The following HELLS variants were observed in gnomAD, a reference collection of about 807,000 sequenced individuals.
The protein encoded by HELLS is lymphoid-specific helicase.
A neutral mutation model predicts 120.0 loss-of-function variants in HELLS; 32 were observed. The observed-to-expected ratio is 0.27, with a 90% CI of 0.20 to 0.36. The LOEUF is 0.36. Ranked by LOEUF, HELLS falls within the 10% of genes least tolerant of loss-of-function variation. The pLI is 1.00. For synonymous variants in HELLS, 341 were observed against 323.4 expected (o/e 1.05, Z -0.58); for missense variants, 650 against 993.4 (o/e 0.65, Z 4.65).
intron 4 of HELLS, among the ~76,000 whole-genome samples, chr10:94,561,071 AAAAC>A (rs1324620384): frequency 6.9e-6 from 1 of 145,936 alleles, no homozygotes; most frequent in Non-Finnish European, 1.5e-5. Context: ...AAAAAACAAA[AAAAC>A]AAAAAAAAAA....
chr10:94,552,921 G>A (rs1843057039), intron 2 of HELLS, among the ~76,000 whole-genome samples: 1 of 152,206 alleles, frequency 6.6e-6, no homozygotes, highest in African/African-American at 2.4e-5. Context: ...GGAGGCTGCA[G>A]TAAGCCACAA....
rs576599857 is a variant in HELLS at position 94,575,188 on chromosome 10, C to T, written c.888+452C>T. On this transcript the variant is annotated intron_variant, in intron 9 of 21. Coordinates refer to ENST00000348459, the MANE Select transcript of HELLS (RefSeq NM_018063.5). ...AGTCTTGGTTCACTGCAATCTCTGC[C>T]TCCCATGATGAAGCAATTCTTGTGC... 1.1e-4 allele frequency among the ~76,000 whole-genome samples: 17 copies of T among 150,548 alleles called. No homozygotes were observed. The East Asian group carries it at 2.3e-3, about 21-fold the overall frequency.
chr10:94,565,920 G>A (rs7078478), intron 6 of HELLS, among the ~76,000 whole-genome samples: 100,785 of 151,444 alleles, frequency 0.67, 33,924 homozygotes, highest in South Asian at 0.76. Flanking sequence ...TTTTGAGACA[G>A]TGTTTCTATT....
chr10:94,580,162 T>TATATATAC (rs1396139651), intron 10 of HELLS, among the ~76,000 whole-genome samples: 11 of 47,594 alleles, frequency 2.3e-4, no homozygotes, highest in South Asian at 6.6e-4. Context: ...TATATATATA[T>TATATATAC]ACACACACAC....
chr10:94,590,849 T>G lies in HELLS; in HGVS notation c.1767+73T>G, dbSNP rs1257952053. ...TATATTGGTGGAAAGTGTTACTTTT[T>G]TTGATTATAATTATTAAAAATAAGT... On this transcript the variant is annotated intron_variant, in intron 15 of 21. Transcript: ENST00000348459. 4 of 836,490 alleles carry G rather than the reference T, an allele frequency of 4.8e-6. No individual in the cohort carries two copies. In the African/African-American group the frequency reaches 7.1e-5, roughly 15 times the overall value. The allele number at this position is 836,490 out of a possible 1,614,324, so 51.8% of individuals were successfully genotyped here.
In HELLS at chr10:94,556,436, A is replaced by G. The variant is rs148659096; in HGVS notation, c.277-1703A>G. On this transcript the variant is annotated intron_variant, in intron 3 of 21. Transcript: ENST00000348459. ...TTTTATTCCTGAGAAGGATTCCATT[A>G]AGAAATGTCGTTATTGGGGTGTAAT... 3.0e-3 allele frequency among the ~76,000 whole-genome samples: 457 copies of G among 152,308 alleles called. 1 individual carries two copies. Among genetic ancestry groups the G allele is most frequent in the African/African-American group, 0.011 (440 of 41,550 alleles).
intron 21 of HELLS, among the ~76,000 whole-genome samples, chr10:94,599,020 G>C (rs955687806): frequency 1.3e-5 from 2 of 152,014 alleles, no homozygotes; most frequent in Admixed American, 1.3e-4. Flanking sequence ...ATTGATCTCT[G>C]TGGTATTCCT....
exon 10 of HELLS, chr10:94,612,986 G>A (rs537621920): frequency 6.6e-6 from 1 of 152,314 alleles, no homozygotes; most frequent in African/African-American, 2.4e-5. Context: ...TACCTCTAAT[G>A]TTCCATGCTG....
chr10:94,551,545 C>T (rs1217785946), intron 2 of HELLS, among the ~76,000 whole-genome samples: 1 of 151,662 alleles, frequency 6.6e-6, no homozygotes, highest in African/African-American at 2.4e-5. Flanking sequence ...CCAGCCTGGG[C>T]AACAGAGTGA....
chr10:94,580,331 G>A (rs912114436), intron 10 of HELLS, among the ~76,000 whole-genome samples: 2 of 150,946 alleles, frequency 1.3e-5, no homozygotes, highest in Non-Finnish European at 3.0e-5. Flanking sequence ...ACAGGCATGT[G>A]CCACTACGTC....
At chr10:94,589,589 T>C (rs1845358651) in intron 13 of HELLS, among the ~76,000 whole-genome samples, 1 of 152,204 alleles carries the variant, frequency 6.6e-6, no homozygotes, top group Non-Finnish European at 1.5e-5. Flanking sequence ...AGGTTTTTTA[T>C]TGTACACTAT....
chr10:94,557,873 G>C (rs891234350), intron 3 of HELLS, among the ~76,000 whole-genome samples: 3 of 152,104 alleles, frequency 2.0e-5, no homozygotes, highest in Non-Finnish European at 4.4e-5. Context: ...CCTTGTTTCC[G>C]TTTTGTCAGT....
intron 17 of HELLS, among the ~76,000 whole-genome samples, chr10:94,592,738 A>G (rs1845554140): frequency 6.6e-6 from 1 of 152,010 alleles, no homozygotes; most frequent in Non-Finnish European, 1.5e-5. Flanking sequence ...ATAATATCCT[A>G]CTTAACCATC....
At chr10:94,546,074 G>T in intron 1 of HELLS, 122 bp downstream of exon 1, 1 of 1,185,202 alleles carries the variant, frequency 8.4e-7, no homozygotes, top group South Asian at 1.4e-5. Context: ...AGGAGGAAAG[G>T]AGGGTTGGGA....
chr10:94,590,557 G>GA lies in HELLS; in HGVS notation c.1628+7dup. Reference sequence around the variant, plus strand: ...GCCAGAGGTGGACCGAGAAAGGTTTGAATTCAAAAGTGAATTTAAGTATTC... The same window carrying GA: ...GCCAGAGGTGGACCGAGAAAGGTTTGAAATTCAAAAGTGAATTTAAGTATTC... On this transcript the variant is annotated splice_donor_region_variant and intron_variant, in intron 14 of 21. Coordinates refer to ENST00000348459, the MANE Select transcript of HELLS (RefSeq NM_018063.5). 6.2e-7 allele frequency: 1 copy of GA among 1,610,588 alleles called. No individual in the cohort carries two copies. Among genetic ancestry groups the GA allele is most frequent in the East Asian group, 2.2e-5 (1 of 44,760 alleles).
chr10:94,552,008 G>A (rs1843001605), intron 2 of HELLS, among the ~76,000 whole-genome samples: 1 of 152,130 alleles, frequency 6.6e-6, no homozygotes, highest in African/African-American at 2.4e-5. Context: ...CAAAGTGCTG[G>A]GATTACAGGC....
chr10:94,606,919 T>C (rs947667350), downstream of HELLS, among the ~76,000 whole-genome samples: 1 of 152,176 alleles, frequency 6.6e-6, no homozygotes, highest in East Asian at 1.9e-4. Flanking sequence ...TATATGTATA[T>C]GAGAGAGAAT....
intron 12 of HELLS, among the ~76,000 whole-genome samples, 176 bp from the exon 13 acceptor site, chr10:94,588,051 CTG>C (rs1043927233): frequency 6.6e-6 from 1 of 152,068 alleles, no homozygotes; most frequent in Non-Finnish European, 1.5e-5. Flanking sequence ...CTGCGGACAA[CTG>C]TGAGTTTATC....
chr10:94,593,381 A>G, intron 17 of HELLS, 118 bp from the exon 18 acceptor site: 1 of 630,844 alleles, frequency 1.6e-6, no homozygotes, highest in Non-Finnish European at 2.9e-6. Context: ...GATCTGAATG[A>G]TTTGTTTGGC....
Sources: allele counts gnomAD v4.1 joint callset (sites outside exome capture counted in the v4.1 genomes callset), GRCh38; gene constraint gnomAD v4.1.1; transcripts MANE v1.5; gene names NCBI Gene and HGNC (gene_info 2026-07-23, HGNC 2026-07-21).